Variants in TBC1D9 observed in about 807,000 individuals in gnomAD.
The protein encoded by TBC1D9 is TBC1 domain family member 9A.
A neutral mutation model predicts 132.0 loss-of-function variants in TBC1D9; 63 were observed. The ratio of observed to expected loss-of-function variants is 0.48; its 90% CI spans 0.39 to 0.59. TBC1D9 has a LOEUF of 0.59. TBC1D9 is among the 20% of genes least tolerant of loss of function. The pLI, the probability that TBC1D9 is intolerant of heterozygous loss-of-function variation, is 0.00. For missense variants in TBC1D9, 1,261 were observed against 1,592.7 expected (o/e 0.79, Z 3.54); for synonymous variants, 610 against 609.9 (o/e 1.00, Z 0.00).
intron 15 of TBC1D9, among the ~76,000 whole-genome samples, chr4:140,636,606 A>C (rs143622838): frequency 8.2e-4 from 125 of 152,234 alleles, no homozygotes; most frequent in African/African-American, 2.9e-3. Context: ...AGGCTGGTCT[A>C]GAACTCCTGG....
chr4:140,648,616 G>A (rs1200011036), intron 13 of TBC1D9, among the ~76,000 whole-genome samples: 1 of 152,050 alleles, frequency 6.6e-6, no homozygotes, highest in African/African-American at 2.4e-5. Flanking sequence ...AAACTCCTGA[G>A]CTTAAGTGGT....
chr4:140,660,608 G>A (rs143500429), intron 10 of TBC1D9, among the ~76,000 whole-genome samples: 61 of 152,278 alleles, frequency 4.0e-4, no homozygotes, highest in African/African-American at 1.4e-3. Flanking sequence ...GTCATTTAGC[G>A]GAGATAGGTT....
chr4:140,728,658 C>T (rs943217338), intron 1 of TBC1D9, among the ~76,000 whole-genome samples: 12 of 151,394 alleles, frequency 7.9e-5, no homozygotes, highest in Admixed American at 4.0e-4. Context: ...CGTGCCACCA[C>T]GCTCGGCTTT....
chr4:140,647,122 A>G (rs1453497423), intron 13 of TBC1D9, among the ~76,000 whole-genome samples: 1 of 152,250 alleles, frequency 6.6e-6, no homozygotes, highest in Admixed American at 6.5e-5. Flanking sequence ...GTGATCAATA[A>G]AAAACACTAG....
At chr4:140,626,659 A>G (rs1005716446) in intron 18 of TBC1D9, among the ~76,000 whole-genome samples, 1 of 152,254 alleles carries the variant, frequency 6.6e-6, no homozygotes, top group African/African-American at 2.4e-5. Context: ...TTAATGTAAG[A>G]CAAAACAGTA....
intron 3 of TBC1D9, among the ~76,000 whole-genome samples, chr4:140,685,534 G>A (rs1578839849): frequency 1.3e-5 from 2 of 152,124 alleles, no homozygotes; most frequent in Admixed American, 1.3e-4. Flanking sequence ...GTTCCACGCT[G>A]AAGGAGACTA....
chr4:140,753,813 T>C (rs2111089181), intron 1 of TBC1D9, among the ~76,000 whole-genome samples: 1 of 152,308 alleles, frequency 6.6e-6, no homozygotes, highest in Non-Finnish European at 1.5e-5. Context: ...TGTTAAATGA[T>C]TTAGTGAGTT....
At position 140,669,937 on chromosome 4, in the gene TBC1D9, C is replaced by T. The variant is rs146257951; in HGVS notation, c.1267-133G>A. The T allele has an allele frequency of 1.1e-3, 993 of 914,206 alleles. 4 individuals are homozygous for T. In the African/African-American group the frequency reaches 0.013, roughly 12 times the overall value. 56.6% of individuals were successfully genotyped at this position (914,206 alleles called of 1,614,324 possible). A position where few individuals can be genotyped will look rare whatever the true frequency, so the allele number is the denominator to read the frequency against. ...GTGTTTCTTGCTATGTGAAGAAACACGAGAAAAGCAGCAAGCCATCATTTT... is the reference window on the plus strand; with the variant it reads ...GTGTTTCTTGCTATGTGAAGAAACATGAGAAAAGCAGCAAGCCATCATTTT... On this transcript the variant is annotated intron_variant, in intron 7 of 20. Transcript: ENST00000442267.
At chr4:140,752,954 T>A (rs913111521) in intron 1 of TBC1D9, among the ~76,000 whole-genome samples, 2 of 152,162 alleles carry the variant, frequency 1.3e-5, no homozygotes, top group Non-Finnish European at 2.9e-5. Flanking sequence ...AGATAATGCA[T>A]ATTATGTAAA....
At chr4:140,691,357 T>C (rs1737876402) in intron 2 of TBC1D9, among the ~76,000 whole-genome samples, 1 of 152,220 alleles carries the variant, frequency 6.6e-6, no homozygotes, top group Non-Finnish European at 1.5e-5. Context: ...GGCTCTTCCA[T>C]TTCTCAAGCA....
chr4:140,723,148 G>C (rs1023357242), intron 1 of TBC1D9, among the ~76,000 whole-genome samples: 1 of 152,172 alleles, frequency 6.6e-6, no homozygotes, highest in Non-Finnish European at 1.5e-5. Context: ...AGTAATTACT[G>C]TTACATGCTA....
At chr4:140,705,512 ATGTG>A (rs139885350) in intron 1 of TBC1D9, among the ~76,000 whole-genome samples, 8,784 of 142,004 alleles carry the variant, frequency 0.062, 314 homozygotes, top group Middle Eastern at 0.11. Flanking sequence ...GGGTGTGTGC[ATGTG>A]TGTGTGTGTG....
intron 13 of TBC1D9, among the ~76,000 whole-genome samples, chr4:140,647,214 A>T (rs1433886499): frequency 2.0e-5 from 3 of 152,200 alleles, no homozygotes; most frequent in Non-Finnish European, 2.9e-5. Context: ...GCACCTTACA[A>T]TAACTTTAGT....
intron 1 of TBC1D9, among the ~76,000 whole-genome samples, chr4:140,751,072 T>C (rs1738916711): frequency 6.6e-6 from 1 of 152,172 alleles, no homozygotes; most frequent in African/African-American, 2.4e-5. Flanking sequence ...AAGAAACCTG[T>C]AGAAAACAAA....
intron 13 of TBC1D9, chr4:140,645,015 G>C (rs532570967): frequency 2.1e-6 from 1 of 470,796 alleles, no homozygotes; most frequent in South Asian, 1.6e-5. Flanking sequence ...GGACAACCAG[G>C]GGTGCGTGGC....
At chr4:140,728,975 C>T (rs1322195329) in intron 1 of TBC1D9, among the ~76,000 whole-genome samples, 1 of 152,114 alleles carries the variant, frequency 6.6e-6, no homozygotes, top group Non-Finnish European at 1.5e-5. Context: ...AAATCTACTT[C>T]TCTGGATGAA....
At chr4:140,651,497 T>C (rs1560873849) in intron 13 of TBC1D9, among the ~76,000 whole-genome samples, 1 of 151,948 alleles carries the variant, frequency 6.6e-6, no homozygotes, top group Non-Finnish European at 1.5e-5. Context: ...CTTGCTAATG[T>C]TATAACTGAG....
chr4:140,673,127 C>T (rs1486919377), intron 6 of TBC1D9, among the ~76,000 whole-genome samples: 1 of 150,958 alleles, frequency 6.6e-6, no homozygotes, highest in African/African-American at 2.4e-5. Flanking sequence ...GACTGTGCCA[C>T]TGCACTCCAG....
chr4:140,637,935 C>T (rs1736906927), intron 15 of TBC1D9, among the ~76,000 whole-genome samples: 1 of 152,222 alleles, frequency 6.6e-6, no homozygotes, highest in African/African-American at 2.4e-5. Flanking sequence ...ATTAATTCAA[C>T]ACACATGTTT....
Sources: allele counts gnomAD v4.1 joint callset (sites outside exome capture counted in the v4.1 genomes callset), GRCh38; gene constraint gnomAD v4.1.1; transcripts MANE v1.5; gene names NCBI Gene and HGNC (gene_info 2026-07-23, HGNC 2026-07-21).